PLAC9: variants seen among roughly 807,000 people sequenced by gnomAD.
PLAC9 encodes the protein placenta-specific protein 9.
A neutral mutation model predicts 11.5 loss-of-function variants in PLAC9; 12 were observed. The ratio of observed to expected loss-of-function variants is 1.05; its 90% CI spans 0.67 to 1.69. The LOEUF is 1.69. PLAC9 is among the 40% of genes most tolerant of loss of function. PLAC9 has a pLI of 0.00. For missense variants in PLAC9, 132 were observed against 130.5 expected, an observed-to-expected ratio of 1.01 and a Z score of -0.06; for synonymous variants, 62 against 58.1, an observed-to-expected ratio of 1.07 and a Z score of -0.31.
At chr10:80,132,361 A>T (rs539064529), upstream of PLAC9, among the ~76,000 whole-genome samples, 6 of 152,264 alleles carry the variant, frequency 3.9e-5, no homozygotes, top group South Asian at 1.2e-3. Context: ...GCCGAGGAAG[A>T]CACTTCCCTC....
chr10:80,132,700 G>A (rs868014953), upstream of PLAC9: 1 of 1,355,210 alleles, frequency 7.4e-7, no homozygotes, highest in Non-Finnish European at 9.6e-7. Flanking sequence ...CGGGCCGGCC[G>A]GGTGCGATCC....
chr10:80,133,608 G>T lies in PLAC9; in HGVS notation c.64+782G>T, dbSNP rs1193747917. On this transcript the variant is annotated intron_variant, in intron 1 of 3. Coordinates refer to ENST00000372263, the MANE Select transcript of PLAC9 (RefSeq NM_001012973.3). ...CTATGTTGGGTGGAGATGGGGGACT[G>T]GGTGGAGGTGGAGAGCTGTGCGGAG... Among the ~76,000 whole-genome samples, 3 of 152,174 alleles carry T rather than the reference G, an allele frequency of 2.0e-5. No homozygotes were observed. The East Asian group carries it at 5.8e-4, about 29-fold the overall frequency.
At chr10:80,142,423 A>T (rs1044240779) in intron 2 of PLAC9, among the ~76,000 whole-genome samples, 1 of 152,160 alleles carries the variant, frequency 6.6e-6, no homozygotes, top group African/African-American at 2.4e-5. Flanking sequence ...CTGGATGGGA[A>T]GGTGGAAATT....
At chr10:80,137,931 AGAG>A (rs1321194501) in intron 1 of PLAC9, among the ~76,000 whole-genome samples, 2 of 150,610 alleles carry the variant, frequency 1.3e-5, no homozygotes, top group African/African-American at 4.9e-5. Flanking sequence ...AAAAAAAAAA[AGAG>A]GAGTCCCTTC....
intron 2 of PLAC9, 75 bp from the exon 3 acceptor site, chr10:80,144,146 GCT>G: frequency 6.2e-7 from 1 of 1,601,654 alleles, no homozygotes; most frequent in Non-Finnish European, 8.5e-7. Context: ...ACCGCCAGCT[GCT>G]CTCTTAGGAC....
chr10:80,133,719 C>T (rs1298071176), intron 1 of PLAC9, among the ~76,000 whole-genome samples: 1 of 152,098 alleles, frequency 6.6e-6, no homozygotes, highest in African/African-American at 2.4e-5. Flanking sequence ...CTCAGGCGGG[C>T]GGATCACAAG....
In PLAC9 at chr10:80,144,251, G is replaced by T; in HGVS notation, c.191G>T (p.Gly64Val). Residue 64 changes from glycine (G) to valine (V), a missense_variant, in exon 3 of 4, where the codon GGG (glycine) becomes GTG (valine). Coordinates refer to ENST00000372263, the MANE Select transcript of PLAC9 (RefSeq NM_001012973.3). ...GTAGAGAAGACCGTGGATCACCTGGGGACAGAGGTGAAAGGCCTGCTGGGC... is the reference window on the plus strand; with the variant it reads ...GTAGAGAAGACCGTGGATCACCTGGTGACAGAGGTGAAAGGCCTGCTGGGC... The part of the protein sequence containing the change: ...EMVEKTVDHL[G>V]TEVKGLLGLL... The T allele has an allele frequency of 6.2e-7, 1 of 1,614,098 alleles. No individual in the cohort carries two copies. Among genetic ancestry groups the T allele is most frequent in the Non-Finnish European group, 8.5e-7 (1 of 1,180,034 alleles).
intron 1 of PLAC9, among the ~76,000 whole-genome samples, chr10:80,138,175 C>T (rs1217319301): frequency 3.9e-5 from 6 of 152,176 alleles, no homozygotes; most frequent in African/African-American, 1.2e-4. Context: ...AATGCACCCC[C>T]ATTTGCTCAT....
intron 1 of PLAC9, among the ~76,000 whole-genome samples, chr10:80,133,860 C>CT (rs1232496298): frequency 6.6e-6 from 1 of 150,378 alleles, no homozygotes; most frequent in Admixed American, 6.7e-5. Context: ...AGGAGAATCA[C>CT]TTGAACCTGG....
intron 1 of PLAC9, among the ~76,000 whole-genome samples, chr10:80,135,541 G>A (rs1368805239): frequency 1.3e-5 from 2 of 151,516 alleles, no homozygotes; most frequent in Non-Finnish European, 2.9e-5. Context: ...GTTTCACCAT[G>A]TTGGCTAGGC....
rs560963413 is a variant in PLAC9 at position 80,143,389 on chromosome 10, A to ATTTTTTTT, written c.163-815_163-808dup. ...AAAAAGTTTAATTTTAAATACTTGA[A>ATTTTTTTT]TTTTTTTTTTTTTTTTTTTTTTTTT... On this transcript the variant is annotated intron_variant, in intron 2 of 3. Coordinates refer to ENST00000372263, the MANE Select transcript of PLAC9 (RefSeq NM_001012973.3). Among the ~76,000 whole-genome samples the ATTTTTTTT allele has an allele frequency of 1.1e-3, 103 of 89,940 alleles. 9 individuals are homozygous for ATTTTTTTT. Among genetic ancestry groups the ATTTTTTTT allele is most frequent in the African/African-American group, 5.0e-3 (100 of 19,962 alleles). The allele number at this position is 89,940 out of a possible 152,430, so 59.0% of individuals were successfully genotyped here.
At chr10:80,141,114 C>T (rs561032464) in intron 1 of PLAC9, among the ~76,000 whole-genome samples, 11 of 152,292 alleles carry the variant, frequency 7.2e-5, no homozygotes, top group East Asian at 1.9e-4. Flanking sequence ...CCAGTGTCAA[C>T]GCTGCTACTG....
At chr10:80,137,873 C>G (rs895971502) in intron 1 of PLAC9, among the ~76,000 whole-genome samples, 2 of 151,480 alleles carry the variant, frequency 1.3e-5, no homozygotes, top group Non-Finnish European at 2.9e-5. Flanking sequence ...CATGATTGTG[C>G]CACTGCACTT....
At chr10:80,142,691 T>TA (rs1285833947) in intron 2 of PLAC9, among the ~76,000 whole-genome samples, 1 of 152,350 alleles carries the variant, frequency 6.6e-6, no homozygotes, top group East Asian at 1.9e-4. Flanking sequence ...GGCCTGATGT[T>TA]AAATCATGTG....
In PLAC9 at chr10:80,142,195, G is replaced by C. The variant is rs746434970; in HGVS notation, c.162+16G>C. On this transcript the variant is annotated intron_variant, in intron 2 of 3. Coordinates refer to ENST00000372263, the MANE Select transcript of PLAC9 (RefSeq NM_001012973.3). ...CATGGAGGAGGTAACAGGGTGGTTT[G>C]GAAGGACATGCGAGTTCAGGACCAC... The C allele has an allele frequency of 6.3e-7, 1 of 1,590,228 alleles. No homozygotes were observed. Among genetic ancestry groups the C allele is most frequent in the Admixed American group, 1.7e-5 (1 of 59,334 alleles).
intron 1 of PLAC9, among the ~76,000 whole-genome samples, chr10:80,140,782 C>A (rs1274632498): frequency 6.6e-6 from 1 of 152,092 alleles, no homozygotes; most frequent in South Asian, 2.1e-4. Context: ...GCCTACCTCG[C>A]CCTCCCAAAG....
chr10:80,139,701 T>C (rs1036851961), intron 1 of PLAC9, among the ~76,000 whole-genome samples: 1 of 152,184 alleles, frequency 6.6e-6, no homozygotes, highest in African/African-American at 2.4e-5. Flanking sequence ...AGGGGGGTCG[T>C]TGATTTCCGT....
chr10:80,135,145 A>G (rs918812201), intron 1 of PLAC9, among the ~76,000 whole-genome samples: 17 of 151,322 alleles, frequency 1.1e-4, no homozygotes, highest in Admixed American at 4.0e-4. Context: ...TCAGCCTCCC[A>G]AGCAGCTGGG....
intron 1 of PLAC9, among the ~76,000 whole-genome samples, chr10:80,134,141 G>A (rs1040848888): frequency 1.3e-5 from 2 of 151,540 alleles, no homozygotes; most frequent in South Asian, 2.1e-4. Context: ...ACTTATCAAC[G>A]CTGCTTCAAG....
Sources: allele counts gnomAD v4.1 joint callset (sites outside exome capture counted in the v4.1 genomes callset), GRCh38; gene constraint gnomAD v4.1.1; transcripts MANE v1.5; gene names NCBI Gene and HGNC (gene_info 2026-07-23, HGNC 2026-07-21).